Variants in PKHD1L1 observed in about 807,000 individuals in gnomAD.
The protein encoded by PKHD1L1 is PKHD1 like 1, also known as fibrocystin-L.
A neutral mutation model predicts 462.9 loss-of-function variants in PKHD1L1; 434 were observed. The observed-to-expected ratio is 0.94, with a 90% CI of 0.87 to 1.02. The LOEUF (loss-of-function observed/expected upper bound fraction) is 1.02. Ranked by LOEUF, PKHD1L1 falls within the 50% of genes least tolerant of loss-of-function variation. PKHD1L1 has a pLI of 0.00. For synonymous variants in PKHD1L1, 1,781 were observed against 1,750.0 expected, an observed-to-expected ratio of 1.02 and a Z score of -0.44; for missense variants, 5,202 against 5,096.1, an observed-to-expected ratio of 1.02 and a Z score of -0.63.
chr8:109,489,318 G>C (rs1457086162), intron 59 of PKHD1L1, among the ~76,000 whole-genome samples: 1 of 151,670 alleles, frequency 6.6e-6, no homozygotes, highest in Non-Finnish European at 1.5e-5. Flanking sequence ...AACCCACAGG[G>C]TGCTTTATGG....
chr8:109,384,179 TTTA>T, intron 5 of PKHD1L1, 52 bp downstream of exon 5: 1 of 1,285,692 alleles, frequency 7.8e-7, no homozygotes, highest in South Asian at 1.3e-5. Context: ...AAATAATGTG[TTTA>T]TTTTTTAGTA....
chr8:109,370,676 A>G (rs2130334789), intron 2 of PKHD1L1, among the ~76,000 whole-genome samples: 1 of 152,062 alleles, frequency 6.6e-6, no homozygotes, highest in East Asian at 1.9e-4. Flanking sequence ...AACCCACAAC[A>G]GGCCCCAGTG....
chr8:109,365,393 A>C (rs984210022), intron 2 of PKHD1L1, among the ~76,000 whole-genome samples: 6 of 152,196 alleles, frequency 3.9e-5, no homozygotes, highest in Admixed American at 6.5e-5. Flanking sequence ...ATTTTGTTAT[A>C]TAATGTAATG....
intron 67 of PKHD1L1, among the ~76,000 whole-genome samples, chr8:109,503,309 A>G (rs1819525925): frequency 8.3e-6 from 1 of 120,026 alleles, no homozygotes; most frequent in Non-Finnish European, 1.7e-5. Context: ...CAAAAACAAA[A>G]ACAAACAAAA....
At chr8:109,512,858 C>G (rs1470362346) in intron 71 of PKHD1L1, among the ~76,000 whole-genome samples, 1 of 150,344 alleles carries the variant, frequency 6.7e-6, no homozygotes, top group Non-Finnish European at 1.5e-5. Context: ...TGTTTGTATC[C>G]TCTTTTATTT....
intron 38 of PKHD1L1, among the ~76,000 whole-genome samples, chr8:109,447,751 A>G (rs1403014355): frequency 6.6e-6 from 1 of 152,228 alleles, no homozygotes; most frequent in East Asian, 1.9e-4. Flanking sequence ...TCAGGAAGGA[A>G]GCTACCAAAA....
intron 77 of PKHD1L1, among the ~76,000 whole-genome samples, chr8:109,528,992 A>G (rs16879730): frequency 0.02 from 2,998 of 152,314 alleles, 92 homozygotes; most frequent in African/African-American, 0.061. Context: ...AAAAAATCAC[A>G]TAAGAGATAC....
intron 30 of PKHD1L1, among the ~76,000 whole-genome samples, chr8:109,437,685 T>C (rs1304944847): frequency 1.3e-5 from 2 of 152,156 alleles, no homozygotes; most frequent in East Asian, 3.9e-4. Context: ...AAAAATAAAT[T>C]TGTTTTTTGG....
At chr8:109,415,893 GTGTGTGTGTGTGTA>G (rs1814142118) in intron 21 of PKHD1L1, among the ~76,000 whole-genome samples, 1 of 150,258 alleles carries the variant, frequency 6.7e-6, no homozygotes, top group Non-Finnish European at 1.5e-5. Context: ...GTGTGTGTGT[GTGTGTGTGTGTGTA>G]GGAAATCATA....
chr8:109,459,709 C>G lies in PKHD1L1; in HGVS notation c.7119C>G (p.Leu2373=), dbSNP rs184819616. Residue 2373 remains leucine, a synonymous_variant, in exon 47 of 78, where the codon CTC becomes CTG. Coordinates refer to ENST00000378402, the MANE Select transcript of PKHD1L1 (RefSeq NM_177531.6). ...CACACTTAGGAATTACGGTCACACTCCCTGATGGAACTCTGTTTGAAGCAA... is the reference window on the plus strand; with the variant it reads ...CACACTTAGGAATTACGGTCACACTGCCTGATGGAACTCTGTTTGAAGCAA... ...NYTHLGITVT[L]PDGTLFEARA... is the part of the protein sequence containing the mutation. 8.0e-5 allele frequency: 129 copies of G among 1,611,932 alleles called. No individual in the cohort carries two copies. In the African/African-American group the frequency reaches 1.7e-3, roughly 21 times the overall value.
At chr8:109,480,531 G>A (rs1459802770) in intron 55 of PKHD1L1, 5 of 442,152 alleles carry the variant, frequency 1.1e-5, no homozygotes, top group East Asian at 7.0e-5. Flanking sequence ...AAAACCAAAG[G>A]GACATAGATG....
At chr8:109,414,692 C>T (rs1236931920) in intron 21 of PKHD1L1, among the ~76,000 whole-genome samples, 26 of 152,002 alleles carry the variant, frequency 1.7e-4, no homozygotes, top group Non-Finnish European at 7.4e-5. Flanking sequence ...TCAGAACTTT[C>T]ATGTGTGGAA....
At chr8:109,387,729 G>A (rs1812508494) in intron 6 of PKHD1L1, among the ~76,000 whole-genome samples, 1 of 152,162 alleles carries the variant, frequency 6.6e-6, no homozygotes, top group Non-Finnish European at 1.5e-5. Context: ...ATGTGTAAAA[G>A]TATATTAAAA....
intron 70 of PKHD1L1, 48 bp from the exon 71 acceptor site, chr8:109,510,729 T>A: frequency 6.5e-7 from 1 of 1,540,024 alleles, no homozygotes; most frequent in Non-Finnish European, 8.7e-7. Context: ...TTTATACTAA[T>A]AAAATGTATG....
chr8:109,451,189 A>G (rs1413456058), intron 41 of PKHD1L1, 40 bp downstream of exon 41: 1 of 1,543,252 alleles, frequency 6.5e-7, no homozygotes, highest in South Asian at 1.2e-5. Flanking sequence ...GTGCATTTCC[A>G]GACTTGAGCC....
At chr8:109,371,342 G>C (rs1453578326) in intron 2 of PKHD1L1, among the ~76,000 whole-genome samples, 1 of 152,066 alleles carries the variant, frequency 6.6e-6, no homozygotes, top group East Asian at 1.9e-4. Flanking sequence ...CCCACTTTTT[G>C]ATGGGGTTGT....
Position 109,515,248 on chromosome 8 carries a change from A to T in PKHD1L1, c.11632A>T (p.Thr3878Ser). The T allele has an allele frequency of 6.2e-7, 1 of 1,603,872 alleles. No homozygotes were observed. Among genetic ancestry groups the T allele is most frequent in the Non-Finnish European group, 8.5e-7 (1 of 1,173,640 alleles). Residue 3878 changes from threonine (T) to serine (S), a missense_variant, in exon 72 of 78, where the codon ACT (threonine) becomes TCT (serine). This residue lies in a region of PKHD1L1 where 698 missense variants were observed against 736.3 expected (regional missense o/e 0.95). Transcript: ENST00000378402. ...YVNNLLVCPK[T>S]TIWNAQQKHC... Reference sequence around the variant, plus strand: ...GAACAACTTATTGGTCTGTCCAAAAACTACAATATGGAATGCCCAGCAGAA... The same window carrying T: ...GAACAACTTATTGGTCTGTCCAAAATCTACAATATGGAATGCCCAGCAGAA...
intron 32 of PKHD1L1, among the ~76,000 whole-genome samples, chr8:109,439,548 G>A (rs1431866140): frequency 6.6e-6 from 1 of 152,104 alleles, no homozygotes; most frequent in South Asian, 2.1e-4. Context: ...GGTGCAGTAA[G>A]AGTCTATAAT....
In PKHD1L1 at chr8:109,364,546, G is replaced by C. The variant is rs1811132820; in HGVS notation, c.74-1G>C. The C allele has an allele frequency of 6.3e-7, 1 of 1,575,260 alleles. No homozygotes were observed. The highest frequency in any genetic ancestry group is 8.7e-7 in the Non-Finnish European group (1 of 1,152,654). ...CTCTACTGTATTTTAATATTTTTCA[G>C]ATGGCTCTCAAATAATCCCCAAAGT... On this transcript the variant is annotated splice_acceptor_variant, in intron 1 of 77. Coordinates refer to ENST00000378402, the MANE Select transcript of PKHD1L1 (RefSeq NM_177531.6). LOFTEE classifies it high-confidence loss of function.
Sources: gnomAD v4.1 joint callset for allele counts (sites outside exome capture counted in the v4.1 genomes callset) on GRCh38, gnomAD v4.1.1 for gene constraint, gnomAD v4.1.1 regional missense constraint, MANE v1.5 for transcripts, NCBI Gene and HGNC (gene_info 2026-07-23, HGNC 2026-07-21) for gene names.